The following ACVR1C variants were observed in gnomAD, a reference collection of about 807,000 sequenced individuals.
The protein encoded by ACVR1C is activin A receptor type 1C.
A neutral mutation model predicts 57.9 loss-of-function variants in ACVR1C; 23 were observed. That is an observed-to-expected ratio of 0.40 (90% confidence interval 0.29 to 0.56). ACVR1C has a LOEUF of 0.56. ACVR1C is among the 20% of genes least tolerant of loss of function. The pLI, the probability that ACVR1C is intolerant of heterozygous loss-of-function variation, is 0.50. For synonymous variants in ACVR1C, 214 were observed against 215.3 expected (o/e 0.99, Z 0.05); for missense variants, 480 against 607.9 (o/e 0.79, Z 2.21).
intron 8 of ACVR1C, 123 bp from the exon 9 acceptor site, chr2:157,534,166 G>C (rs1397145793): frequency 4.9e-6 from 4 of 821,188 alleles, no homozygotes; most frequent in Non-Finnish European, 5.0e-6. Flanking sequence ...AAGAGATGGG[G>C]TCTTGCTATG....
intron 2 of ACVR1C, among the ~76,000 whole-genome samples, chr2:157,562,678 C>A (rs1323280725): frequency 6.6e-6 from 1 of 151,840 alleles, no homozygotes; most frequent in Non-Finnish European, 1.5e-5. Context: ...AAAAAGAAAA[C>A]TTCAGGCCAA....
chr2:157,556,294 C>A lies in ACVR1C; in HGVS notation c.343G>T (p.Ala115Ser). ...CAAACAGGCACAGTAATAATGATGG[C>A]CAGCTCCATGGGTCCAAGTTTTGGG... Reference protein sequence around the residue: ...NAPKLGPMELAIIITVPVCLL... With the variant: ...NAPKLGPMELSIIITVPVCLL... The change falls in exon 3 of 9, where the codon GCC becomes TCC. Residue 115 changes from alanine (A) to serine (S), a missense_variant. Physicochemically the swap from Ala to Ser is moderately conservative, Grantham distance 99. Coordinates refer to ENST00000243349, the MANE Select transcript of ACVR1C (RefSeq NM_145259.3). 1 of 1,614,180 alleles carries A rather than the reference C, an allele frequency of 6.2e-7. No individual in the cohort carries two copies. The highest frequency in any genetic ancestry group is 8.5e-7 in the Non-Finnish European group (1 of 1,180,032).
chr2:157,565,775 A>C (rs1232580160), intron 2 of ACVR1C, among the ~76,000 whole-genome samples: 1 of 152,174 alleles, frequency 6.6e-6, no homozygotes, highest in Non-Finnish European at 1.5e-5. Flanking sequence ...AGGGAGTGCC[A>C]CACACAAAAA....
At chr2:157,591,190 C>T (rs1049430734) in intron 1 of ACVR1C, among the ~76,000 whole-genome samples, 8 of 151,728 alleles carry the variant, frequency 5.3e-5, no homozygotes, top group Admixed American at 1.3e-4. Context: ...CATCTCTTTC[C>T]GCTCTGTCAA....
intron 1 of ACVR1C, among the ~76,000 whole-genome samples, chr2:157,623,832 G>C (rs925472592): frequency 6.6e-6 from 1 of 152,010 alleles, no homozygotes; most frequent in Non-Finnish European, 1.5e-5. Flanking sequence ...CTGCATGCCT[G>C]TATCAAAACA....
chr2:157,610,047 C>T (rs184339003), intron 1 of ACVR1C, among the ~76,000 whole-genome samples: 17 of 152,034 alleles, frequency 1.1e-4, no homozygotes, highest in Admixed American at 8.5e-4. Flanking sequence ...TTCTTTTTCT[C>T]TTAATATTTG....
intron 8 of ACVR1C, among the ~76,000 whole-genome samples, chr2:157,534,869 A>T (rs1344724418): frequency 6.6e-6 from 1 of 152,068 alleles, no homozygotes; most frequent in Non-Finnish European, 1.5e-5. Context: ...TCAGATCAAG[A>T]TGCCAGCCAG....
rs540991629 is a variant in ACVR1C, at chr2:157,550,187, A to G, written c.750T>C (p.Leu250=). The G allele has an allele frequency of 2.0e-5, 33 of 1,614,084 alleles. No homozygotes were observed. In the South Asian group the frequency reaches 3.4e-4, roughly 17 times the overall value. ...QTVMLRHENI[L]GFIAADNKDN... is the part of the protein sequence containing the mutation. ...CTTTGTTGTCAGCAGCAATGAAACC[A>G]AGGATGTTTTCATGTCGCAGCATGA... The change falls in exon 4 of 9, where the codon CTT becomes CTC. Residue 250 remains leucine (L), a synonymous_variant. Transcript: ENST00000243349.
At chr2:157,606,837 T>C (rs182096884) in intron 1 of ACVR1C, among the ~76,000 whole-genome samples, 59 of 151,944 alleles carry the variant, frequency 3.9e-4, no homozygotes, top group Non-Finnish European at 4.7e-4. Flanking sequence ...TTTTCTATCT[T>C]TGTTTTTGTT....
At chr2:157,595,916 A>C (rs1047186717) in intron 1 of ACVR1C, among the ~76,000 whole-genome samples, 5 of 152,186 alleles carry the variant, frequency 3.3e-5, no homozygotes, top group African/African-American at 1.2e-4. Flanking sequence ...TTGCTCAAGG[A>C]TCTGCTCCCC....
intron 1 of ACVR1C, among the ~76,000 whole-genome samples, chr2:157,621,969 C>T (rs1338484483): frequency 6.6e-6 from 1 of 152,126 alleles, no homozygotes. Context: ...GTTACTTTGC[C>T]TTGTTTCACC....
rs1558975093 is a variant in ACVR1C at position 157,554,263 on chromosome 2, GAAA to G, written c.544+1827_544+1829del. ...AGAAAGAAAGAAAGAAAGAAAGAAAGAAAGAAAGGAAGGAAGGAAGAGAGAGAG... is the reference window on the plus strand; with the variant it reads ...AGAAAGAAAGAAAGAAAGAAAGAAAGGAAAGGAAGGAAGGAAGAGAGAGAG... On this transcript the variant is annotated intron_variant, in intron 3 of 8. Transcript: ENST00000243349. Among the ~76,000 whole-genome samples the G allele has an allele frequency of 1.6e-3, 202 of 127,674 alleles. 9 individuals carry two copies. Among genetic ancestry groups the G allele is most frequent in the Middle Eastern group, 7.6e-3 (2 of 262 alleles). The allele number at this position is 127,674 out of a possible 152,430, so 83.8% of individuals were successfully genotyped here. A position where few individuals can be genotyped will look rare whatever the true frequency, so the allele number is the denominator to read the frequency against.
chr2:157,546,154 T>C (rs757404938), intron 4 of ACVR1C, among the ~76,000 whole-genome samples: 3 of 152,156 alleles, frequency 2.0e-5, no homozygotes, highest in Non-Finnish European at 4.4e-5. Context: ...TGTACAGTCA[T>C]AACTGCTTTG....
Position 157,556,201 on chromosome 2 carries a change from T to C in ACVR1C, c.436A>G (p.Lys146Glu). 1 of 1,614,110 alleles carries C rather than the reference T, an allele frequency of 6.2e-7. No individual in the cohort carries two copies. The highest frequency in any genetic ancestry group is 8.5e-7 in the Non-Finnish European group (1 of 1,179,980). ...CQGRQCSYRK[K>E]KRPNVEEPLS... ...GGTTCCTCCACATTTGGTCTCTTTT[T>C]CTTCCTGTAGGAGCACTGTCGACCC... The change falls in exon 3 of 9, where the codon AAA (lysine) becomes GAA (glutamate). Residue 146 changes from lysine (K) to glutamate (E), a missense_variant. Physicochemically the swap from Lys to Glu is moderately conservative, Grantham distance 56. Transcript: ENST00000243349.
intron 2 of ACVR1C, among the ~76,000 whole-genome samples, chr2:157,556,882 C>G (rs189627715): frequency 6.6e-5 from 10 of 152,132 alleles, no homozygotes; most frequent in African/African-American, 2.4e-4. Flanking sequence ...AGGCTGGTCT[C>G]AAACCCCTGA....
chr2:157,561,788 A>G (rs1266437548), intron 2 of ACVR1C, among the ~76,000 whole-genome samples: 1 of 152,206 alleles, frequency 6.6e-6, no homozygotes, highest in Non-Finnish European at 1.5e-5. Flanking sequence ...GCTAGATGTT[A>G]ATGAGAACAC....
chr2:157,534,814 G>A (rs899423119), intron 8 of ACVR1C, among the ~76,000 whole-genome samples: 5 of 152,082 alleles, frequency 3.3e-5, no homozygotes, highest in African/African-American at 4.8e-5. Flanking sequence ...CGGAACTGAT[G>A]GATCGCATGT....
chr2:157,551,482 G>A (rs1687923225), intron 3 of ACVR1C, among the ~76,000 whole-genome samples: 1 of 152,140 alleles, frequency 6.6e-6, no homozygotes, highest in Non-Finnish European at 1.5e-5. Context: ...AAACAGCATA[G>A]TACATTTTAT....
At position 157,577,000 on chromosome 2, in the gene ACVR1C, G is replaced by A. The variant is rs1175712558; in HGVS notation, c.304+10187C>T. Among the ~76,000 whole-genome samples the A allele has an allele frequency of 3.1e-5, 3 of 97,242 alleles. 1 individual carries two copies. The highest frequency in any genetic ancestry group is 4.5e-5 in the African/African-American group (1 of 22,024). The allele number at this position is 97,242 out of a possible 152,430, so 63.8% of individuals were successfully genotyped here. A position where few individuals can be genotyped will look rare whatever the true frequency, so the allele number is the denominator to read the frequency against. On this transcript the variant is annotated intron_variant, in intron 2 of 8. Transcript: ENST00000243349. ...CTCCCCAGTAGCTGGGACTACAGGCGCCCGCCACCGCGCCCGGCTAATTTT... is the reference window on the plus strand; with the variant it reads ...CTCCCCAGTAGCTGGGACTACAGGCACCCGCCACCGCGCCCGGCTAATTTT...
Sources: allele counts gnomAD v4.1 joint callset (sites outside exome capture counted in the v4.1 genomes callset), GRCh38; gene constraint gnomAD v4.1.1; transcripts MANE v1.5; gene names NCBI Gene and HGNC (gene_info 2026-07-23, HGNC 2026-07-21).